The following ACVR1B variants were observed in gnomAD, a reference collection of about 807,000 sequenced individuals.
ACVR1B encodes activin receptor type-1B.
In ACVR1B, 15 loss-of-function variants were observed where a neutral mutation model predicts 55.6. The ratio of observed to expected loss-of-function variants is 0.27; its 90% CI spans 0.18 to 0.42. ACVR1B has a LOEUF of 0.42. Ranked by LOEUF, ACVR1B falls within the 10% of genes least tolerant of loss-of-function variation. The pLI, the probability that ACVR1B is intolerant of heterozygous loss-of-function variation, is 1.00. For missense variants in ACVR1B, 359 were observed against 670.1 expected, an observed-to-expected ratio of 0.54 and a Z score of 5.13; for synonymous variants, 247 against 254.6, an observed-to-expected ratio of 0.97 and a Z score of 0.28.
intron 1 of ACVR1B, among the ~76,000 whole-genome samples, chr12:51,968,467 T>C (rs888357988): frequency 1.4e-4 from 22 of 152,194 alleles, no homozygotes; most frequent in African/African-American, 5.3e-4. Context: ...TTGTGGCAAA[T>C]TGTATTTCCT....
chr12:51,980,979 C>T lies in ACVR1B; in HGVS notation c.591C>T (p.Leu197=). ...STSGSGSGLP[L]FVQRTVARTI... Reference sequence around the variant, plus strand: ...TTCTTTGGTTCACAGGGTTACCCCTCTTTGTCCAGCGCACAGTGGCCCGAA... The same window carrying T: ...TTCTTTGGTTCACAGGGTTACCCCTTTTTGTCCAGCGCACAGTGGCCCGAA... The change falls in exon 4 of 9, where the codon CTC becomes CTT. Residue 197 remains leucine (L), a synonymous_variant. Transcript: ENST00000257963. 6.2e-7 allele frequency: 1 copy of T among 1,608,324 alleles called. No homozygotes were observed. The highest frequency in any genetic ancestry group is 8.5e-7 in the Non-Finnish European group (1 of 1,176,184).
chr12:51,996,752 TGA>T lies in ACVR1B; in HGVS notation c.*2646_*2647del, dbSNP rs1312999844. 1 of 152,340 alleles carries T rather than the reference TGA, an allele frequency of 6.6e-6. No homozygotes were observed. The highest frequency in any genetic ancestry group is 1.5e-5 in the Non-Finnish European group (1 of 67,986). The allele number at this position is 152,340 out of a possible 1,614,324, so 9.4% of individuals were successfully genotyped here. On this transcript the variant is annotated 3_prime_UTR_variant, in exon 9 of 9. Coordinates refer to ENST00000257963, the MANE Select transcript of ACVR1B (RefSeq NM_004302.5). Reference sequence around the variant, plus strand: ...CACCTCTGCCACTCTTAACACTAAGTGAGAGTTGGGGAGAAACTGAAGCCGTG... The same window carrying T: ...CACCTCTGCCACTCTTAACACTAAGTGAGTTGGGGAGAAACTGAAGCCGTG...
Position 51,991,924 on chromosome 12 carries a change from G to A in ACVR1B, c.1323G>A (p.Glu441=), listed in dbSNP as rs532947331. Reference sequence around the variant, plus strand: ...TAGTGCCCTCTGACCCTTCCATTGAGGAAATGCGAAAGGTTGTATGTGATC... The same window carrying A: ...TAGTGCCCTCTGACCCTTCCATTGAAGAAATGCGAAAGGTTGTATGTGATC... ...YDLVPSDPSI[E]EMRKVVCDQK... is the part of the protein sequence containing the mutation. Residue 441 remains glutamate, a synonymous_variant, in exon 8 of 9, where the codon GAG becomes GAA. Coordinates refer to ENST00000257963, the MANE Select transcript of ACVR1B (RefSeq NM_004302.5). 1.9e-6 allele frequency: 3 copies of A among 1,614,184 alleles called. No homozygotes were observed. In the South Asian group the frequency reaches 3.3e-5, roughly 18 times the overall value.
Position 51,961,739 on chromosome 12 carries a change from C to G in ACVR1B, c.91+9905C>G, listed in dbSNP as rs78192429. The stretch of plus-strand genomic sequence containing the variant: ...AAATATCCTTCCCTGCTCTATTGAG[C>G]CAGAAGTATGTTTATTCAGACTCAA... On this transcript the variant is annotated intron_variant, in intron 1 of 8. Transcript: ENST00000257963. 3.7e-3 allele frequency among the ~76,000 whole-genome samples: 559 copies of G among 152,240 alleles called. 7 individuals are homozygous for G. Among genetic ancestry groups the G allele is most frequent in the East Asian group, 0.024 (123 of 5,190 alleles).
At chr12:51,988,876 G>C (rs1942132344) in intron 7 of ACVR1B, among the ~76,000 whole-genome samples, 1 of 152,184 alleles carries the variant, frequency 6.6e-6, no homozygotes. Flanking sequence ...CCAGCACTTT[G>C]AGAGGCCAGG....
At chr12:51,993,927 G>A in intron 8 of ACVR1B, 58 bp from the exon 9 acceptor site, 1 of 1,601,066 alleles carries the variant, frequency 6.2e-7, no homozygotes, top group Admixed American at 1.7e-5. Context: ...AGAGCCTAGG[G>A]ACCAGAAAGG....
chr12:51,963,755 T>C (rs1941586082), intron 1 of ACVR1B, among the ~76,000 whole-genome samples: 1 of 152,254 alleles, frequency 6.6e-6, no homozygotes. Flanking sequence ...AGAATATTCA[T>C]GTACAAGTCT....
At chr12:51,982,147 G>A (rs1941992269) in intron 4 of ACVR1B, among the ~76,000 whole-genome samples, 1 of 152,166 alleles carries the variant, frequency 6.6e-6, no homozygotes, top group Admixed American at 6.5e-5. Context: ...GCACAAATTG[G>A]GGCTGACTCG....
intron 1 of ACVR1B, among the ~76,000 whole-genome samples, chr12:51,966,356 A>C (rs1365366431): frequency 6.6e-6 from 1 of 152,254 alleles, no homozygotes; most frequent in East Asian, 1.9e-4. Context: ...GCAAGGAAAA[A>C]TAACAGTGCA....
Position 51,994,386 on chromosome 12 carries a change from G to A in ACVR1B, c.*276G>A. ...CACCTCGAACTGGTTGTAGTGGGAA[G>A]TCCCGCGAAACCCGGTGCATCTGGC... On this transcript the variant is annotated 3_prime_UTR_variant, in exon 9 of 9. Transcript: ENST00000257963. This position sits in a 1 kb window ranked among gnomAD's most constrained non-coding sequence, Gnocchi z 4.2. 2.6e-6 allele frequency: 1 copy of A among 381,270 alleles called. No individual in the cohort carries two copies. 23.6% of individuals were successfully genotyped at this position (381,270 alleles called of 1,614,324 possible).
At chr12:51,965,599 A>G (rs1042136490) in intron 1 of ACVR1B, among the ~76,000 whole-genome samples, 1 of 152,160 alleles carries the variant, frequency 6.6e-6, no homozygotes, top group African/African-American at 2.4e-5. Flanking sequence ...TGGGAGGTAG[A>G]AGCTTTACTA....
At chr12:51,976,182 C>A in intron 2 of ACVR1B, 145 bp from the exon 3 acceptor site, 2 of 972,470 alleles carry the variant, frequency 2.1e-6, no homozygotes, top group South Asian at 1.7e-5. Context: ...GCAAGACTAG[C>A]CCAGAAGATT....
At chr12:51,989,853 C>T (rs561178274) in intron 7 of ACVR1B, among the ~76,000 whole-genome samples, 3 of 152,032 alleles carry the variant, frequency 2.0e-5, no homozygotes, top group East Asian at 1.9e-4. Context: ...GGTATGGTAG[C>T]GTACGCCTGT....
At chr12:51,965,603 T>C (rs1234788586) in intron 1 of ACVR1B, among the ~76,000 whole-genome samples, 1 of 152,086 alleles carries the variant, frequency 6.6e-6, no homozygotes, top group African/African-American at 2.4e-5. Context: ...AGGTAGAAGC[T>C]TTACTAGATA....
intron 1 of ACVR1B, among the ~76,000 whole-genome samples, chr12:51,971,978 GAAACTTGCCA>G (rs1310665718): frequency 6.6e-6 from 1 of 152,208 alleles, no homozygotes; most frequent in Non-Finnish European, 1.5e-5. Context: ...GTTTCTTACT[GAAACTTGCCA>G]CTTCCTAATT....
At chr12:51,967,063 A>AC (rs1471438447) in intron 1 of ACVR1B, among the ~76,000 whole-genome samples, 16 of 151,476 alleles carry the variant, frequency 1.1e-4, no homozygotes, top group African/African-American at 3.9e-4. Flanking sequence ...ACATGGTGAA[A>AC]CCCCGTCTCT....
At chr12:51,953,482 C>G in intron 1 of ACVR1B, 1 of 984,524 alleles carries the variant, frequency 1.0e-6, no homozygotes, top group African/African-American at 1.8e-5. Context: ...GGTGTATGAA[C>G]AGAGCTTGAC....
intron 3 of ACVR1B, among the ~76,000 whole-genome samples, chr12:51,977,077 A>G (rs1264945469): frequency 6.6e-6 from 1 of 152,162 alleles, no homozygotes; most frequent in Non-Finnish European, 1.5e-5. Context: ...GGGTGAAAAT[A>G]AAGGCAGTGT....
intron 2 of ACVR1B, 72 bp downstream of exon 2, chr12:51,975,576 A>G: frequency 6.5e-7 from 1 of 1,530,670 alleles, no homozygotes; most frequent in East Asian, 2.3e-5. Context: ...ATTTTTTTCT[A>G]CTCTTGCCCA....
Sources: allele counts gnomAD v4.1 joint callset (sites outside exome capture counted in the v4.1 genomes callset), GRCh38; gene constraint gnomAD v4.1.1; non-coding constraint Gnocchi (gnomAD v3.1); transcripts MANE v1.5; gene names NCBI Gene and HGNC (gene_info 2026-07-23, HGNC 2026-07-21).